The following DOCK1 variants were observed in gnomAD, a reference collection of about 807,000 sequenced individuals.
DOCK1 encodes dedicator of cytokinesis 1, also known as dedicator of cytokinesis protein 1.
DOCK1 carries 138 observed loss-of-function variants against 262.7 expected under a neutral mutation model. The observed-to-expected ratio is 0.53, with a 90% CI of 0.46 to 0.61. The LOEUF (loss-of-function observed/expected upper bound fraction) is 0.61. Among genes scored for constraint, DOCK1 ranks in the 20% least tolerant of loss-of-function variants. DOCK1 has a pLI of 0.00. For missense variants in DOCK1, 1,908 were observed against 2,370.7 expected, an observed-to-expected ratio of 0.80 and a Z score of 4.05; for synonymous variants, 866 against 867.4, an observed-to-expected ratio of 1.00 and a Z score of 0.03.
At chr10:126,951,257 ATAG>A (rs1390954680) in intron 1 of DOCK1, among the ~76,000 whole-genome samples, 120 of 145,432 alleles carry the variant, frequency 8.3e-4, no homozygotes, top group African/African-American at 1.6e-3. Flanking sequence ...AATATTAGTG[ATAG>A]TGGTGGTGGT....
chr10:127,227,872 C>G (rs984043805), intron 27 of DOCK1, among the ~76,000 whole-genome samples: 2 of 152,148 alleles, frequency 1.3e-5, no homozygotes, highest in Non-Finnish European at 2.9e-5. Context: ...GAAGCCAAAC[C>G]TTAGAAGCCA....
At chr10:127,170,597 C>T (rs1157060095) in intron 27 of DOCK1, among the ~76,000 whole-genome samples, 4 of 152,190 alleles carry the variant, frequency 2.6e-5, no homozygotes, top group Non-Finnish European at 5.9e-5. Flanking sequence ...GGTTGCCACA[C>T]TGTAGTTGCT....
intron 6 of DOCK1, 143 bp from the exon 7 acceptor site, chr10:126,996,605 A>G (rs912144188): frequency 8.4e-6 from 6 of 717,538 alleles, no homozygotes; most frequent in African/African-American, 7.3e-5. Flanking sequence ...GCAGCCTCCA[A>G]GAATTTTATA....
chr10:127,180,238 G>C (rs865868802), intron 27 of DOCK1, among the ~76,000 whole-genome samples: 12 of 152,202 alleles, frequency 7.9e-5, no homozygotes, highest in Admixed American at 1.3e-4. Context: ...CGGTAACACA[G>C]TGGGTGTTGG....
intron 12 of DOCK1, among the ~76,000 whole-genome samples, chr10:127,017,751 G>A (rs2042110788): frequency 6.6e-6 from 1 of 152,202 alleles, no homozygotes; most frequent in Admixed American, 6.5e-5. Flanking sequence ...CAGGGACAGA[G>A]CACCCCCATG....
intron 1 of DOCK1, among the ~76,000 whole-genome samples, chr10:126,968,924 A>C (rs536730024): frequency 6.6e-6 from 1 of 152,370 alleles, no homozygotes; most frequent in African/African-American, 2.4e-5. Flanking sequence ...GGGAAAATAT[A>C]GGAAGATACC....
intron 25 of DOCK1, among the ~76,000 whole-genome samples, chr10:127,116,101 G>T (rs1232859444): frequency 6.6e-6 from 1 of 152,092 alleles, no homozygotes. Context: ...CCTGCTCTGT[G>T]TAGTTTTCTG....
At chr10:126,923,668 A>T (rs1251508985) in intron 1 of DOCK1, among the ~76,000 whole-genome samples, 1 of 152,198 alleles carries the variant, frequency 6.6e-6, no homozygotes, top group Admixed American at 6.5e-5. Context: ...TTCTCCAAGC[A>T]ATCTGCCACG....
intron 27 of DOCK1, among the ~76,000 whole-genome samples, chr10:127,214,017 T>C (rs1340908124): frequency 6.6e-5 from 10 of 151,968 alleles, no homozygotes; most frequent in Non-Finnish European, 1.5e-4. Flanking sequence ...TTTTTTTGTA[T>C]TTTTTTTCTT....
At chr10:126,931,109 G>A (rs1230045093) in intron 1 of DOCK1, among the ~76,000 whole-genome samples, 2 of 152,086 alleles carry the variant, frequency 1.3e-5, no homozygotes, top group Non-Finnish European at 2.9e-5. Flanking sequence ...CCAGGTCTCT[G>A]ACCCAGGAGG....
intron 12 of DOCK1, 52 bp from the exon 13 acceptor site, chr10:127,018,658 C>T (rs1412288088): frequency 4.0e-5 from 65 of 1,611,102 alleles, no homozygotes; most frequent in Non-Finnish European, 5.4e-5. Flanking sequence ...GTGAAAACTT[C>T]TAAAAATGCA....
At chr10:127,240,335 A>C (rs1337450579) in intron 27 of DOCK1, among the ~76,000 whole-genome samples, 1 of 150,368 alleles carries the variant, frequency 6.7e-6, no homozygotes, top group East Asian at 2.0e-4. Context: ...AAATTGTAAT[A>C]TTTGGGAGAT....
chr10:127,108,359 GGA>G (rs1248654298), intron 24 of DOCK1, among the ~76,000 whole-genome samples: 4 of 152,002 alleles, frequency 2.6e-5, no homozygotes, highest in African/African-American at 9.7e-5. Flanking sequence ...AGGCCGAGGG[GGA>G]CAGATCATGA....
rs534999945 is a variant in DOCK1 at position 127,314,338 on chromosome 10, C to A, written c.3045-24668C>A. Among the ~76,000 whole-genome samples the A allele has an allele frequency of 2.8e-3, 420 of 152,240 alleles. 5 individuals are homozygous for A. The highest frequency in any genetic ancestry group is 9.3e-3 in the African/African-American group (387 of 41,542). On this transcript the variant is annotated intron_variant, in intron 29 of 51. Coordinates refer to ENST00000623213, the MANE Select transcript of DOCK1 (RefSeq NM_001290223.2). ...CACACTGAAGAAGGGGAAAATGAATCATAAAGGACTACCTGGAGACCAGTA... is the reference window on the plus strand; with the variant it reads ...CACACTGAAGAAGGGGAAAATGAATAATAAAGGACTACCTGGAGACCAGTA...
chr10:127,096,545 T>C (rs7087282), intron 23 of DOCK1, among the ~76,000 whole-genome samples: 34,404 of 151,896 alleles, frequency 0.23, 5,526 homozygotes, highest in African/African-American at 0.46. Flanking sequence ...AAACTTATTT[T>C]GTATCACCCA....
At chr10:127,086,345 C>CT (rs2047199294) in intron 23 of DOCK1, among the ~76,000 whole-genome samples, 1 of 152,012 alleles carries the variant, frequency 6.6e-6, no homozygotes, top group Non-Finnish European at 1.5e-5. Flanking sequence ...GTAACCTTCT[C>CT]TTTGAGTCCT....
chr10:127,333,152 C>A (rs189373325), intron 29 of DOCK1, among the ~76,000 whole-genome samples: 41 of 152,290 alleles, frequency 2.7e-4, no homozygotes, highest in Non-Finnish European at 5.0e-4. Context: ...GTCTCCACCC[C>A]CAAAGCAGCC....
chr10:127,010,559 A>G (rs982289245), intron 11 of DOCK1, among the ~76,000 whole-genome samples: 15 of 152,214 alleles, frequency 9.9e-5, no homozygotes, highest in African/African-American at 3.6e-4. Flanking sequence ...AGGGGAGGTC[A>G]GTGGCCCCGT....
In DOCK1 at chr10:127,424,319, G is replaced by T. The variant is rs78287420; in HGVS notation, c.4777-1555G>T. Among the ~76,000 whole-genome samples, 1,419 of 152,220 alleles carry T rather than the reference G, an allele frequency of 9.3e-3. 24 individuals are homozygous for T. Among genetic ancestry groups the T allele is most frequent in the African/African-American group, 0.033 (1,364 of 41,530 alleles). On this transcript the variant is annotated intron_variant, in intron 46 of 51. Transcript: ENST00000623213. ...GCAGCACAAGCGTCCTAAACCAAAA[G>T]GTCTTAACTCTCATCTGACAAGTAC...
Sources: allele counts gnomAD v4.1 joint callset (sites outside exome capture counted in the v4.1 genomes callset), GRCh38; gene constraint gnomAD v4.1.1; transcripts MANE v1.5; gene names NCBI Gene and HGNC (gene_info 2026-07-23, HGNC 2026-07-21).